Variants in INO80 observed in about 807,000 individuals in gnomAD.
INO80 encodes chromatin-remodeling ATPase INO80.
Under a neutral mutation model 203.4 loss-of-function variants are expected in INO80, and 20 were observed. The ratio of observed to expected loss-of-function variants is 0.10; its 90% CI spans 0.07 to 0.14. The LOEUF is 0.14. Ranked by LOEUF, INO80 falls within the 10% of genes least tolerant of loss-of-function variation. The pLI, the probability that INO80 is intolerant of heterozygous loss-of-function variation, is 1.00. For synonymous variants in INO80, 726 were observed against 685.2 expected (o/e 1.06, Z -0.93); for missense variants, 1,419 against 1,914.4 (o/e 0.74, Z 4.83).
chr15:41,050,483 C>T (rs1377264520), intron 19 of INO80, among the ~76,000 whole-genome samples: 1 of 152,214 alleles, frequency 6.6e-6, no homozygotes, highest in Non-Finnish European at 1.5e-5. Context: ...AAAAACAGTT[C>T]TCTTTTCCAC....
intron 9 of INO80, among the ~76,000 whole-genome samples, chr15:41,076,115 C>G (rs1239332599): frequency 6.6e-6 from 1 of 152,010 alleles, no homozygotes; most frequent in African/African-American, 2.4e-5. Flanking sequence ...AATCCCGGCA[C>G]TTTGGGAGAC....
chr15:41,018,147 T>C (rs964647326), intron 26 of INO80: 3 of 152,104 alleles, frequency 2.0e-5, no homozygotes, highest in Admixed American at 6.6e-5. Flanking sequence ...AGACCACATA[T>C]TTTTCAGCCC....
intron 19 of INO80, among the ~76,000 whole-genome samples, chr15:41,052,006 G>C (rs1225517660): frequency 6.6e-6 from 1 of 152,026 alleles, no homozygotes; most frequent in East Asian, 1.9e-4. Flanking sequence ...AGGCATGGTG[G>C]TGTGCACCTA....
chr15:41,067,225 C>T (rs530302501), intron 14 of INO80, among the ~76,000 whole-genome samples: 2 of 152,116 alleles, frequency 1.3e-5, no homozygotes, highest in African/African-American at 4.8e-5. Context: ...TACAGGCGCC[C>T]GCCATAACAC....
intron 16 of INO80, among the ~76,000 whole-genome samples, chr15:41,058,207 C>A (rs1024350042): frequency 2.0e-5 from 3 of 152,092 alleles, no homozygotes; most frequent in Admixed American, 2.0e-4. Context: ...GAAGAGATGA[C>A]CTGTAAAAAT....
intron 24 of INO80, among the ~76,000 whole-genome samples, chr15:41,031,301 A>G (rs1314871614): frequency 9.9e-5 from 15 of 151,902 alleles, no homozygotes; most frequent in Admixed American, 9.8e-4. Context: ...TATGCCTGAC[A>G]TGGAAGAATA....
In INO80 at chr15:41,074,542, G is replaced by T. The variant is rs1241751549; in HGVS notation, c.1155C>A (p.Leu385=). Residue 385 remains leucine (L), a synonymous_variant, in exon 10 of 36, where the codon CTC becomes CTA. Coordinates refer to ENST00000648947, the MANE Select transcript of INO80 (RefSeq NM_017553.3). ...ACTCTGTCTGGGTAATTAAGAAGTT[G>T]AGTTTTCGCTGTTGCCTCTTGGCCT... is the stretch of plus-strand genomic sequence containing the variant. The part of the protein sequence containing the change: ...MREAKRQQRK[L]NFLITQTELY... 6.2e-7 allele frequency: 1 copy of T among 1,610,262 alleles called. No homozygotes were observed. The highest frequency in any genetic ancestry group is 1.1e-5 in the South Asian group (1 of 90,070).
intron 29 of INO80, among the ~76,000 whole-genome samples, chr15:40,995,323 AGAG>A (rs1171157205): frequency 6.6e-6 from 1 of 152,228 alleles, no homozygotes; most frequent in Non-Finnish European, 1.5e-5. Flanking sequence ...ACCAGGTGGA[AGAG>A]GAGACTCATG....
rs542890550 is a variant in INO80, at chr15:41,088,326, GGTCAGCCCATCTCAGT to G, written c.538-660_538-645del. Among the ~76,000 whole-genome samples the G allele has an allele frequency of 1.1e-4, 17 of 151,768 alleles. No individual in the cohort carries two copies. In the East Asian group the frequency reaches 1.2e-3, roughly 10 times the overall value. Reference sequence around the variant, plus strand: ...GATGGTCTTGATCTCCTGACCTCGTGGTCAGCCCATCTCAGTGTCAGCCCACCTCAGCCTCCCAAAG... The same window carrying G: ...GATGGTCTTGATCTCCTGACCTCGTGGTCAGCCCACCTCAGCCTCCCAAAG... On this transcript the variant is annotated intron_variant, in intron 5 of 35. Transcript: ENST00000648947.
intron 33 of INO80, 86 bp downstream of exon 33, chr15:40,984,111 A>C (rs1416384667): frequency 8.2e-6 from 12 of 1,460,262 alleles, no homozygotes; most frequent in Non-Finnish European, 1.1e-5. Context: ...CTCCAGGAGA[A>C]GCAAAGACTG....
intron 27 of INO80, among the ~76,000 whole-genome samples, chr15:41,009,231 CT>C (rs11392141): frequency 0.31 from 46,019 of 147,752 alleles, 7,047 homozygotes; most frequent in Non-Finnish European, 0.34. Flanking sequence ...TTATACTGTT[CT>C]TTTTTTTTTT....
Position 41,055,350 on chromosome 15 carries a change from C to G in INO80, c.2085G>C (p.Leu695=), listed in dbSNP as rs772473713. The G allele has an allele frequency of 3.1e-6, 5 of 1,608,510 alleles. No homozygotes were observed. The highest frequency in any genetic ancestry group is 4.2e-6 in the Non-Finnish European group (5 of 1,176,522). The change falls in exon 18 of 36, where the codon CTG becomes CTC. Residue 695 remains leucine (L), a synonymous_variant. Coordinates refer to ENST00000648947, the MANE Select transcript of INO80 (RefSeq NM_017553.3). ...QNTMAELWAL[L]HFIMPTLFDS... ...CAAATAATGTTGGCATAATGAAATG[C>G]AGCAGAGCCCAAAGCTGTAAACAAA...
Position 40,983,842 on chromosome 15 carries a change from T to C in INO80, c.4157A>G (p.Asp1386Gly), listed in dbSNP as rs1293096572. 1 of 1,612,854 alleles carries C rather than the reference T, an allele frequency of 6.2e-7. No homozygotes were observed. Among genetic ancestry groups the C allele is most frequent in the African/African-American group, 1.3e-5 (1 of 74,860 alleles). ...SSSDMLVIVD[D>G]PASSAPQSRA... ...AGACTGAGGGGCTGAGGAGGCTGGGTCATCCACAATGACCAGCATGTCACT... is the reference window on the plus strand; with the variant it reads ...AGACTGAGGGGCTGAGGAGGCTGGGCCATCCACAATGACCAGCATGTCACT... Residue 1386 changes from aspartate to glycine, a missense_variant, in exon 34 of 36, where the codon GAC becomes GGC. Coordinates refer to ENST00000648947, the MANE Select transcript of INO80 (RefSeq NM_017553.3).
At chr15:41,024,950 G>A (rs983897567) in intron 25 of INO80, among the ~76,000 whole-genome samples, 16 of 152,172 alleles carry the variant, frequency 1.1e-4, no homozygotes, top group Non-Finnish European at 1.9e-4. Context: ...GGTAAAAGTT[G>A]TAGATCTGTG....
At chr15:40,987,766 G>A in intron 30 of INO80, 50 bp downstream of exon 30, 1 of 1,552,264 alleles carries the variant, frequency 6.4e-7, no homozygotes, top group Non-Finnish European at 8.8e-7. Context: ...AATGTGGTTG[G>A]ACTTTCTGTT....
intron 28 of INO80, among the ~76,000 whole-genome samples, chr15:40,997,981 T>C (rs4924533): frequency 0.88 from 131,856 of 149,840 alleles, 60,080 homozygotes; most frequent in East Asian, 1. Context: ...TGACTTATAA[T>C]AGTCTGGGGA....
Position 41,057,447 on chromosome 15 carries a change from C to G in INO80, c.1986-741G>C, listed in dbSNP as rs115406597. ...TCCATCCTGGGCAACAGAGCAAGAC[C>G]CTATCCCCTGTCTCAAAAAAAAAAA... On this transcript the variant is annotated intron_variant, in intron 16 of 35. Transcript: ENST00000648947. Among the ~76,000 whole-genome samples, 125 of 144,854 alleles carry G rather than the reference C, an allele frequency of 8.6e-4. No individual in the cohort carries two copies. In the Middle Eastern group the frequency reaches 0.01, roughly 12 times the overall value.
At chr15:41,046,700 C>G (rs1006808161) in intron 23 of INO80, among the ~76,000 whole-genome samples, 1 of 152,090 alleles carries the variant, frequency 6.6e-6, no homozygotes, top group Non-Finnish European at 1.5e-5. Flanking sequence ...TCACTGCAAC[C>G]TCCACCTCCT....
At chr15:41,075,199 T>C (rs2045384510) in intron 9 of INO80, among the ~76,000 whole-genome samples, 1 of 152,198 alleles carries the variant, frequency 6.6e-6, no homozygotes, top group African/African-American at 2.4e-5. Flanking sequence ...GTATATTCCA[T>C]TTTATAACCT....
Sources: allele counts gnomAD v4.1 joint callset (sites outside exome capture counted in the v4.1 genomes callset), GRCh38; gene constraint gnomAD v4.1.1; transcripts MANE v1.5; gene names NCBI Gene and HGNC (gene_info 2026-07-23, HGNC 2026-07-21).